RGS8: variants seen among roughly 807,000 people sequenced by gnomAD.
The protein encoded by RGS8 is regulator of G-protein signaling 8.
A neutral mutation model predicts 21.7 loss-of-function variants in RGS8; 8 were observed. That is an observed-to-expected ratio of 0.37 (90% CI 0.22 to 0.66). RGS8 has a LOEUF of 0.66. Among genes scored for constraint, RGS8 ranks in the 30% least tolerant of loss-of-function variants. The probability of loss-of-function intolerance (pLI) is 0.59; values close to 1 mark genes in which losing one functional copy is unlikely to be tolerated. For synonymous variants in RGS8, 80 were observed against 83.6 expected (o/e 0.96, Z 0.24); for missense variants, 157 against 217.9 (o/e 0.72, Z 1.76).
chr1:182,728,340 G>A, the RGS8 span, among the ~76,000 whole-genome samples: 11 of 152,176 alleles, frequency 7.2e-5, no homozygotes, highest in African/African-American at 1.7e-4. Context: ...TCCTGATAGC[G>A]TCAGAGTACA....
chr1:182,734,502 C>A, the RGS8 span: 1 of 152,136 alleles, frequency 6.6e-6, no homozygotes, highest in South Asian at 2.1e-4. Flanking sequence ...AGAATCAAGA[C>A]GGTTGTAAAC....
chr1:182,725,497 G>A, the RGS8 span, among the ~76,000 whole-genome samples: 1 of 152,144 alleles, frequency 6.6e-6, no homozygotes, highest in Non-Finnish European at 1.5e-5. Flanking sequence ...CCATCCAGCA[G>A]GATCCTGAGA....
the RGS8 span, among the ~76,000 whole-genome samples, chr1:182,749,605 AT>A: frequency 1.3e-5 from 2 of 151,840 alleles, no homozygotes; most frequent in East Asian, 1.9e-4. Flanking sequence ...GAATTTTAGG[AT>A]TTTTTTTCTA....
Position 182,646,763 on chromosome 1 carries a change from A to C in RGS8, c.515T>G (p.Leu172Arg), listed in dbSNP as rs756737032. 5.0e-6 allele frequency: 8 copies of C among 1,613,950 alleles called. No homozygotes were observed. The Admixed American group carries it at 8.3e-5, about 17-fold the overall frequency. ...ACTGAGCCTCCTCTGGCTTTGGGACAGCAGATCTAAGTACATTTTGGACCT... is the reference window on the plus strand; with the variant it reads ...ACTGAGCCTCCTCTGGCTTTGGGACCGCAGATCTAAGTACATTTTGGACCT... The change falls in exon 7 of 7, where the codon CTG becomes CGG. Residue 172 changes from leucine to arginine, a missense_variant. Leu to Arg is a moderately radical substitution (Grantham distance 102, BLOSUM62 -2). Transcript: ENST00000483095.
chr1:182,681,322 C>A (rs1351534527), intron 1 of RGS8, among the ~76,000 whole-genome samples: 1 of 152,216 alleles, frequency 6.6e-6, no homozygotes, highest in Non-Finnish European at 1.5e-5. Flanking sequence ...TTATCAATCT[C>A]TTCCCCTTCT....
chr1:182,642,343 G>C (rs1233375136), downstream of RGS8: 1 of 152,404 alleles, frequency 6.6e-6, no homozygotes, highest in Non-Finnish European at 1.5e-5. Context: ...AAAGAGGCCT[G>C]ACACTTGGAA....
At chr1:182,709,437 A>G in the RGS8 span, among the ~76,000 whole-genome samples, 1 of 152,200 alleles carries the variant, frequency 6.6e-6, no homozygotes, top group Admixed American at 6.5e-5. Flanking sequence ...CATCAGAGCC[A>G]GTTAAAGATA....
At chr1:182,691,567 G>T in the RGS8 span, among the ~76,000 whole-genome samples, 49 of 119,994 alleles carry the variant, frequency 4.1e-4, no homozygotes, top group East Asian at 0.013. Flanking sequence ...CTCAATAGAT[G>T]CAGAAAAGGC....
the RGS8 span, among the ~76,000 whole-genome samples, chr1:182,701,187 G>A: frequency 2.0e-5 from 3 of 152,200 alleles, no homozygotes; most frequent in African/African-American, 7.2e-5. Flanking sequence ...ATGGACAACA[G>A]GCAACCATTG....
downstream of RGS8, chr1:182,644,842 A>G (rs1224737269): frequency 6.6e-6 from 1 of 152,224 alleles, no homozygotes; most frequent in Non-Finnish European, 1.5e-5. Flanking sequence ...TTGGGAGGAT[A>G]CTACCTGATC....
chr1:182,700,329 C>T, the RGS8 span, among the ~76,000 whole-genome samples: 3 of 152,222 alleles, frequency 2.0e-5, no homozygotes, highest in Non-Finnish European at 4.4e-5. Flanking sequence ...CTCACCCCAA[C>T]ATGACCCCCA....
intron 5 of RGS8, among the ~76,000 whole-genome samples, chr1:182,652,670 C>T (rs1245522313): frequency 1.3e-5 from 2 of 152,120 alleles, no homozygotes; most frequent in Admixed American, 6.5e-5. Context: ...CAGAACATGC[C>T]GTCAAGGGGA....
intron 6 of RGS8, 100 bp from the exon 8 acceptor site, chr1:182,647,017 A>T: frequency 1.0e-6 from 1 of 1,001,626 alleles, no homozygotes; most frequent in Non-Finnish European, 1.5e-6. Flanking sequence ...CAGCATCTAC[A>T]TATTTAAGGT....
At chr1:182,652,907 C>T (rs1192503437) in intron 5 of RGS8, among the ~76,000 whole-genome samples, 1 of 152,048 alleles carries the variant, frequency 6.6e-6, no homozygotes, top group East Asian at 1.9e-4. Context: ...AGAATTTCAG[C>T]AAGAGGGAAC....
At chr1:182,699,621 T>C in the RGS8 span, among the ~76,000 whole-genome samples, 1 of 152,224 alleles carries the variant, frequency 6.6e-6, no homozygotes, top group Non-Finnish European at 1.5e-5. Flanking sequence ...CTCCCTGTGC[T>C]GTGGCTCCCC....
At chr1:182,741,603 G>A in the RGS8 span, among the ~76,000 whole-genome samples, 23 of 104,138 alleles carry the variant, frequency 2.2e-4, no homozygotes, top group Non-Finnish European at 2.6e-4. Flanking sequence ...CCTCCCAGAC[G>A]GGGCGGCTGG....
chr1:182,648,497 G>C (rs1169318852), intron 5 of RGS8, among the ~76,000 whole-genome samples, 194 bp from the exon 7 acceptor site: 1 of 152,130 alleles, frequency 6.6e-6, no homozygotes, highest in Non-Finnish European at 1.5e-5. Context: ...ACTTTGGGAG[G>C]CCGAGGTGGG....
rs1219175542 is a variant in RGS8 at position 182,646,699 on chromosome 1, G to A, written c.*36C>T. On this transcript the variant is annotated 3_prime_UTR_variant, in exon 7 of 7. Coordinates refer to ENST00000483095, the Ensembl canonical transcript of RGS8. Reference sequence around the variant, plus strand: ...TATGATCTTGGCAGCAAGTGGAGGGGAAAGCCGGTGATTTCCAGGAGTTCC... The same window carrying A: ...TATGATCTTGGCAGCAAGTGGAGGGAAAAGCCGGTGATTTCCAGGAGTTCC... The A allele has an allele frequency of 1.9e-6, 3 of 1,572,314 alleles. No individual in the cohort carries two copies. In the African/African-American group the frequency reaches 4.1e-5, roughly 21 times the overall value.
At chr1:182,703,286 C>A in the RGS8 span, among the ~76,000 whole-genome samples, 1 of 152,170 alleles carries the variant, frequency 6.6e-6, no homozygotes, top group African/African-American at 2.4e-5. Context: ...AAACCAGAAC[C>A]TTCCCTGGAG....
Sources: allele counts gnomAD v4.1 joint callset (sites outside exome capture counted in the v4.1 genomes callset), GRCh38; gene constraint gnomAD v4.1.1; transcripts MANE v1.5; gene names NCBI Gene and HGNC (gene_info 2026-07-23, HGNC 2026-07-21).